VIPR2: variants seen among roughly 807,000 people sequenced by gnomAD.
VIPR2 encodes the protein vasoactive intestinal peptide receptor 2.
Under a neutral mutation model 58.0 loss-of-function variants are expected in VIPR2, and 48 were observed. The observed-to-expected ratio is 0.83, with a 90% CI of 0.66 to 1.05. VIPR2 has a LOEUF of 1.05. Among genes scored for constraint, VIPR2 ranks in the 50% least tolerant of loss-of-function variants. VIPR2 has a pLI of 0.00. For synonymous variants in VIPR2, 243 were observed against 235.2 expected (o/e 1.03, Z -0.30); for missense variants, 534 against 558.0 (o/e 0.96, Z 0.43).
chr7:159,110,793 A>G (rs1795968396), intron 2 of VIPR2, among the ~76,000 whole-genome samples: 1 of 152,220 alleles, frequency 6.6e-6, no homozygotes, highest in Non-Finnish European at 1.5e-5. Flanking sequence ...ACATCCATAG[A>G]GAACACACAG....
intron 5 of VIPR2, among the ~76,000 whole-genome samples, chr7:159,053,749 T>C (rs1458572734): frequency 6.6e-6 from 1 of 152,180 alleles, no homozygotes; most frequent in Non-Finnish European, 1.5e-5. Context: ...GGTCTCCCTA[T>C]GTTGCCCTGG....
intron 4 of VIPR2, among the ~76,000 whole-genome samples, chr7:159,102,042 T>A (rs1303263799): frequency 2.5e-5 from 3 of 120,328 alleles, no homozygotes; most frequent in Admixed American, 8.1e-5. Flanking sequence ...CCTGTGATAG[T>A]GAACGGGTCT....
chr7:159,125,119 G>A lies in VIPR2; in HGVS notation c.152-15200C>T, dbSNP rs117935724. On this transcript the variant is annotated intron_variant, in intron 2 of 12. Coordinates refer to ENST00000262178, the MANE Select transcript of VIPR2 (RefSeq NM_003382.5). Reference sequence around the variant, plus strand: ...ACTTCCTCTCTTCCTATTTGGATGCGCTTTATTTTTTTCTCTTGCCTGACT... The same window carrying A: ...ACTTCCTCTCTTCCTATTTGGATGCACTTTATTTTTTTCTCTTGCCTGACT... Among the ~76,000 whole-genome samples the A allele has an allele frequency of 5.6e-3, 858 of 152,256 alleles. 4 individuals are homozygous for A. The highest frequency in any genetic ancestry group is 0.027 in the Middle Eastern group (8 of 294).
intron 2 of VIPR2, among the ~76,000 whole-genome samples, chr7:159,121,445 T>C (rs1202416058): frequency 4.6e-5 from 7 of 152,136 alleles, no homozygotes; most frequent in Admixed American, 4.6e-4. Context: ...ACCTCCCTGC[T>C]TAGGGCCATA....
At chr7:159,069,683 C>T (rs776272251) in intron 4 of VIPR2, among the ~76,000 whole-genome samples, 6 of 152,136 alleles carry the variant, frequency 3.9e-5, no homozygotes, top group African/African-American at 7.2e-5. Context: ...TGGTCCAGAA[C>T]CCTCTTTGCA....
chr7:159,083,118 A>ACCTGTCCTACCTGCC (rs1225985336), intron 4 of VIPR2, among the ~76,000 whole-genome samples: 1 of 152,042 alleles, frequency 6.6e-6, no homozygotes, highest in Non-Finnish European at 1.5e-5. Context: ...CCCTGGTCCC[A>ACCTGTCCTACCTGCC]CCTGTCCTAC....
In VIPR2 at chr7:159,144,752, G is replaced by GGA; in HGVS notation, c.18_19dup (p.Pro7LeufsTer5). 1 of 1,274,034 alleles carries GGA rather than the reference G, an allele frequency of 7.8e-7. No individual in the cohort carries two copies. The highest frequency in any genetic ancestry group is 1.5e-5 in the African/African-American group (1 of 64,664). The allele number at this position is 1,274,034 out of a possible 1,614,324, so 78.9% of individuals were successfully genotyped here. A position where few individuals can be genotyped will look rare whatever the true frequency, so the allele number is the denominator to read the frequency against. On this transcript the variant is annotated frameshift_variant, in exon 1 of 13. Coordinates refer to ENST00000262178, the MANE Select transcript of VIPR2 (RefSeq NM_003382.5). LOFTEE classifies it high-confidence loss of function. ...GAGCAGCCAGCAGGTCAGCAGCGCG[G>GGA]GAGGCAGCAGCGTCCGCATCCCGAG...
chr7:159,117,894 T>C (rs1796299410), intron 2 of VIPR2, among the ~76,000 whole-genome samples: 1 of 152,242 alleles, frequency 6.6e-6, no homozygotes, highest in African/African-American at 2.4e-5. Context: ...CTCCTGAGAC[T>C]GGCCATCGGC....
intron 4 of VIPR2, among the ~76,000 whole-genome samples, chr7:159,084,337 G>C (rs577782541): frequency 7.9e-5 from 12 of 152,352 alleles, no homozygotes; most frequent in African/African-American, 2.9e-4. Flanking sequence ...GGGAAATAGC[G>C]AGTGATGGGG....
chr7:159,107,916 AG>A (rs1323592994), intron 3 of VIPR2, among the ~76,000 whole-genome samples: 1 of 152,212 alleles, frequency 6.6e-6, no homozygotes, highest in Admixed American at 6.5e-5. Context: ...TGCCTAGCAT[AG>A]GACAGACAGC....
intron 1 of VIPR2, 69 bp from the exon 2 acceptor site, chr7:159,142,614 C>A (rs1172952288): frequency 2.4e-6 from 3 of 1,255,358 alleles, no homozygotes; most frequent in Non-Finnish European, 3.4e-6. Context: ...AGCAAAAATT[C>A]TACAAAAACA....
intron 2 of VIPR2, among the ~76,000 whole-genome samples, chr7:159,120,667 A>G (rs147946149): frequency 2.8e-4 from 42 of 152,306 alleles, no homozygotes; most frequent in African/African-American, 9.4e-4. Context: ...TCACGTTGGC[A>G]CCACTGCATA....
Position 159,030,714 on chromosome 7 carries a change from C to T in VIPR2, c.1219G>A (p.Gly407Ser), listed in dbSNP as rs761926470. ...PSASRDYRVCGSSFSRNGSEG... is the reference protein window; with the variant it reads ...PSASRDYRVCSSSFSRNGSEG... ...GAGCCGTTGCGGGAGAAGGAGGAAC[C>T]GCAGACCCTGTAATCCCGGCTCGCG... The change falls in exon 13 of 13, where the codon GGT becomes AGT. Residue 407 changes from glycine to serine, a missense_variant. Physicochemically the swap from Gly to Ser is moderately conservative, Grantham distance 56. This residue lies in a region of VIPR2 where 306 missense variants were observed against 285.8 expected (regional missense o/e 1.07). Coordinates refer to ENST00000262178, the MANE Select transcript of VIPR2 (RefSeq NM_003382.5). The T allele has an allele frequency of 1.9e-6, 3 of 1,593,726 alleles. No homozygotes were observed. The highest frequency in any genetic ancestry group is 2.0e-4 in the Middle Eastern group (1 of 5,036).
At chr7:159,032,679 C>G (rs1306428072) in intron 10 of VIPR2, among the ~76,000 whole-genome samples, 1 of 152,194 alleles carries the variant, frequency 6.6e-6, no homozygotes, top group Non-Finnish European at 1.5e-5. Flanking sequence ...ACCAGAGTTA[C>G]ACAGAAAGGA....
At position 159,044,973 on chromosome 7, in the gene VIPR2, G is replaced by A. The variant is rs181653241; in HGVS notation, c.456-1797C>T. On this transcript the variant is annotated intron_variant, in intron 5 of 12. Transcript: ENST00000262178. ...TAGAGATGGGGTGGGGTTTCGCAAC[G>A]TTGGCTAGGCTGATCTCAAACCTCT... 1.9e-3 allele frequency among the ~76,000 whole-genome samples: 288 copies of A among 152,208 alleles called. 1 individual carries two copies. The highest frequency in any genetic ancestry group is 6.3e-3 in the African/African-American group (260 of 41,542).
intron 4 of VIPR2, among the ~76,000 whole-genome samples, chr7:159,061,879 G>A (rs1310557451): frequency 3.9e-5 from 6 of 152,088 alleles, no homozygotes; most frequent in African/African-American, 1.4e-4. Context: ...AGGCCGGCTC[G>A]GACGCACTGC....
At chr7:159,056,784 C>T (rs893232894) in intron 5 of VIPR2, among the ~76,000 whole-genome samples, 1 of 152,134 alleles carries the variant, frequency 6.6e-6, no homozygotes, top group Non-Finnish European at 1.5e-5. Flanking sequence ...TTTTATAATT[C>T]GGACTTTAGA....
chr7:159,138,170 G>A (rs1797307459), intron 2 of VIPR2, among the ~76,000 whole-genome samples: 1 of 152,250 alleles, frequency 6.6e-6, no homozygotes. Flanking sequence ...GTGGAATGCT[G>A]CAGCCACACA....
At chr7:159,045,570 A>G (rs922921862) in intron 5 of VIPR2, among the ~76,000 whole-genome samples, 2 of 152,240 alleles carry the variant, frequency 1.3e-5, no homozygotes, top group African/African-American at 4.8e-5. Context: ...CATATTAAAA[A>G]TTACTCAGAA....
Sources: allele counts gnomAD v4.1 joint callset (sites outside exome capture counted in the v4.1 genomes callset), GRCh38; gene constraint gnomAD v4.1.1; regional missense constraint gnomAD v4.1.1; transcripts MANE v1.5; gene names NCBI Gene and HGNC (gene_info 2026-07-23, HGNC 2026-07-21).